The following TBC1D9 variants were observed in gnomAD, a reference collection of about 807,000 sequenced individuals.
TBC1D9 encodes TBC1 domain family member 9, also known as TBC1 domain family member 9A.
A neutral mutation model predicts 132.0 loss-of-function variants in TBC1D9; 63 were observed. The observed-to-expected ratio is 0.48, with a 90% CI of 0.39 to 0.59. The LOEUF (loss-of-function observed/expected upper bound fraction) is 0.59. Ranked by LOEUF, TBC1D9 falls within the 20% of genes least tolerant of loss-of-function variation. TBC1D9 has a pLI of 0.00. For missense variants in TBC1D9, 1,261 were observed against 1,592.7 expected (o/e 0.79, Z 3.54); for synonymous variants, 610 against 609.9 (o/e 1.00, Z 0.00).
intron 1 of TBC1D9, among the ~76,000 whole-genome samples, chr4:140,737,730 T>C (rs1738698121): frequency 6.6e-6 from 1 of 152,230 alleles, no homozygotes; most frequent in Non-Finnish European, 1.5e-5. Flanking sequence ...TTACAATTTA[T>C]AGTAATCCTG....
chr4:140,687,754 T>A (rs1737811009), intron 2 of TBC1D9, among the ~76,000 whole-genome samples: 1 of 151,992 alleles, frequency 6.6e-6, no homozygotes, highest in African/African-American at 2.4e-5. Flanking sequence ...AGACTAAACA[T>A]CAAACTTGCC....
chr4:140,635,015 A>G (rs1405807035), intron 15 of TBC1D9, among the ~76,000 whole-genome samples: 1 of 152,184 alleles, frequency 6.6e-6, no homozygotes, highest in African/African-American at 2.4e-5. Context: ...CATGCGCTAG[A>G]AAGTTCTGAA....
intron 5 of TBC1D9, among the ~76,000 whole-genome samples, chr4:140,677,449 TA>T (rs1737642929): frequency 6.6e-6 from 1 of 152,140 alleles, no homozygotes. Context: ...CAAGCCACTT[TA>T]GGGGGGGCCT....
intron 1 of TBC1D9, among the ~76,000 whole-genome samples, chr4:140,745,879 T>C (rs1738829003): frequency 6.6e-6 from 1 of 152,202 alleles, no homozygotes; most frequent in Non-Finnish European, 1.5e-5. Context: ...CCTAAAAACA[T>C]ACACCTCCTA....
chr4:140,717,066 AC>A (rs1166108143), intron 1 of TBC1D9, among the ~76,000 whole-genome samples: 4 of 152,252 alleles, frequency 2.6e-5, no homozygotes, highest in African/African-American at 9.6e-5. Flanking sequence ...TTTTTAAAAG[AC>A]AGTCACCTGC....
chr4:140,647,629 G>A (rs1737122727), intron 13 of TBC1D9, among the ~76,000 whole-genome samples: 1 of 152,200 alleles, frequency 6.6e-6, no homozygotes. Context: ...AGGGTGCCAA[G>A]CAAAAGAGCT....
intron 1 of TBC1D9, among the ~76,000 whole-genome samples, chr4:140,746,741 G>A (rs879711939): frequency 2.6e-5 from 4 of 152,108 alleles, no homozygotes; most frequent in South Asian, 2.1e-4. Context: ...ACCATGAAAC[G>A]GTATGGGGGA....
At chr4:140,623,014 A>C in intron 20 of TBC1D9, 97 bp from the exon 21 acceptor site, 1 of 1,387,714 alleles carries the variant, frequency 7.2e-7, no homozygotes, top group Non-Finnish European at 9.4e-7. Flanking sequence ...AGAACGCCTA[A>C]AGATCCCTGG....
intron 13 of TBC1D9, among the ~76,000 whole-genome samples, chr4:140,653,347 GA>G (rs1737215759): frequency 6.6e-6 from 1 of 152,106 alleles, no homozygotes; most frequent in Non-Finnish European, 1.5e-5. Flanking sequence ...GTGTATCTTA[GA>G]ACACTCAGGT....
In TBC1D9 at chr4:140,639,351, C is replaced by T. The variant is rs1218748711; in HGVS notation, c.2415G>A (p.Glu805=). ...TTACCACGTTGCGTTTCGTAGTATC[C>T]TCCAGCGTCTGGATCACTTTCAGTC... ...KQRLKVIQTL[E]DTTKRNVVRT... The change falls in exon 14 of 21, where the codon GAG becomes GAA. Residue 805 remains glutamate (E), a synonymous_variant. Coordinates refer to ENST00000442267, the MANE Select transcript of TBC1D9 (RefSeq NM_015130.3). The T allele has an allele frequency of 2.5e-6, 4 of 1,612,500 alleles. No individual in the cohort carries two copies. The highest frequency in any genetic ancestry group is 1.3e-5 in the African/African-American group (1 of 74,914).
Position 140,621,099 on chromosome 4 carries a change from C to T in TBC1D9, c.*1096G>A, listed in dbSNP as rs1736606418. 6.6e-6 allele frequency: 1 copy of T among 152,628 alleles called. No individual in the cohort carries two copies. Among genetic ancestry groups the T allele is most frequent in the South Asian group, 2.1e-4 (1 of 4,830 alleles). 9.5% of individuals were successfully genotyped at this position (152,628 alleles called of 1,614,324 possible). ...GCAGGTGCGCTAGCTTTCATTTCCA[C>T]ATCCATTCAGGAAATAGAGCATACT... is the stretch of plus-strand genomic sequence containing the variant. On this transcript the variant is annotated 3_prime_UTR_variant, in exon 21 of 21. Transcript: ENST00000442267.
intron 1 of TBC1D9, among the ~76,000 whole-genome samples, chr4:140,737,476 TAC>T (rs143069666): frequency 2.1e-5 from 3 of 144,082 alleles, no homozygotes; most frequent in African/African-American, 7.7e-5. Flanking sequence ...CACACACACA[TAC>T]ACACACACAC....
rs954864622 is a variant in TBC1D9, at chr4:140,706,930, A to T, written c.131-5316T>A. ...TGGATCTATCCACACTTTTTGCTCTATTATGCAACTGTAATCGTATTCTGT... is the reference window on the plus strand; with the variant it reads ...TGGATCTATCCACACTTTTTGCTCTTTTATGCAACTGTAATCGTATTCTGT... On this transcript the variant is annotated intron_variant, in intron 1 of 20. Coordinates refer to ENST00000442267, the MANE Select transcript of TBC1D9 (RefSeq NM_015130.3). This position sits in a 1 kb window ranked among gnomAD's most constrained non-coding sequence, Gnocchi z 4.0. Among the ~76,000 whole-genome samples the T allele has an allele frequency of 3.9e-5, 6 of 152,146 alleles. No homozygotes were observed. The highest frequency in any genetic ancestry group is 7.4e-5 in the Non-Finnish European group (5 of 68,018).
At chr4:140,650,254 T>C (rs990097467) in intron 13 of TBC1D9, among the ~76,000 whole-genome samples, 1 of 152,228 alleles carries the variant, frequency 6.6e-6, no homozygotes, top group Admixed American at 6.5e-5. Context: ...GGCTAGAAAG[T>C]CCATGATGAA....
chr4:140,736,231 T>C (rs1284189532), intron 1 of TBC1D9, among the ~76,000 whole-genome samples: 1 of 151,604 alleles, frequency 6.6e-6, no homozygotes, highest in Non-Finnish European at 1.5e-5. Context: ...ACAGGTGAGA[T>C]CAGATAAACA....
chr4:140,700,085 C>T (rs558035046), intron 2 of TBC1D9, among the ~76,000 whole-genome samples: 81 of 151,836 alleles, frequency 5.3e-4, no homozygotes, highest in African/African-American at 1.9e-3. Flanking sequence ...TCACCTGAGC[C>T]CAGGAGTTCA....
chr4:140,726,640 G>A (rs1738505806), intron 1 of TBC1D9, among the ~76,000 whole-genome samples: 1 of 152,058 alleles, frequency 6.6e-6, no homozygotes, highest in African/African-American at 2.4e-5. Flanking sequence ...AATAAATATG[G>A]TAAAATTATA....
intron 15 of TBC1D9, among the ~76,000 whole-genome samples, chr4:140,637,211 A>G (rs1736894815): frequency 6.6e-6 from 1 of 152,148 alleles, no homozygotes; most frequent in Admixed American, 6.5e-5. Flanking sequence ...TCAGCCAGGC[A>G]TGGTGGCAGG....
At chr4:140,741,454 C>T (rs541343673) in intron 1 of TBC1D9, among the ~76,000 whole-genome samples, 9 of 152,258 alleles carry the variant, frequency 5.9e-5, no homozygotes, top group East Asian at 5.8e-4. Context: ...TGGTGCCTCA[C>T]GCCTGTAATC....
Sources: allele counts gnomAD v4.1 joint callset (sites outside exome capture counted in the v4.1 genomes callset), GRCh38; gene constraint gnomAD v4.1.1; non-coding constraint Gnocchi (gnomAD v3.1); transcripts MANE v1.5; gene names NCBI Gene and HGNC (gene_info 2026-07-23, HGNC 2026-07-21).